The following RPGRIP1 variants were observed in gnomAD, a reference collection of about 807,000 sequenced individuals.
RPGRIP1 encodes the protein X-linked retinitis pigmentosa GTPase regulator-interacting protein 1.
RPGRIP1 carries 128 observed loss-of-function variants against 157.9 expected under a neutral mutation model. The ratio of observed to expected loss-of-function variants is 0.81; its 90% confidence interval spans 0.70 to 0.94. The LOEUF is 0.94. Among genes scored for constraint, RPGRIP1 ranks in the 40% least tolerant of loss-of-function variants. The pLI is 0.00. For synonymous variants in RPGRIP1, 554 were observed against 571.6 expected, an observed-to-expected ratio of 0.97 and a Z score of 0.44; for missense variants, 1,486 against 1,545.8, an observed-to-expected ratio of 0.96 and a Z score of 0.65.
chr14:21,290,217 A>G (rs1250664307), intron 2 of RPGRIP1, among the ~76,000 whole-genome samples: 1 of 152,078 alleles, frequency 6.6e-6, no homozygotes, highest in African/African-American at 2.4e-5. Context: ...ATACGGTAAC[A>G]CTAGTTTAAC....
At chr14:21,308,501 T>A (rs1477176839) in intron 7 of RPGRIP1, among the ~76,000 whole-genome samples, 1 of 152,056 alleles carries the variant, frequency 6.6e-6, no homozygotes, top group Admixed American at 6.6e-5. Context: ...AATTCAACTA[T>A]CCTATGCAGG....
intron 7 of RPGRIP1, among the ~76,000 whole-genome samples, chr14:21,310,041 T>A (rs1881482778): frequency 6.2e-5 from 2 of 32,316 alleles, no homozygotes; most frequent in South Asian, 2.7e-3. Flanking sequence ...GCCAAGATTG[T>A]GCCGCAGCAC....
intron 7 of RPGRIP1, among the ~76,000 whole-genome samples, chr14:21,308,397 A>G (rs866625845): frequency 2.0e-5 from 3 of 151,984 alleles, no homozygotes; most frequent in Admixed American, 6.6e-5. Flanking sequence ...ATCCAGTACC[A>G]GGAATTGCAA....
At chr14:21,339,052 C>A (rs1884704922) in intron 21 of RPGRIP1, among the ~76,000 whole-genome samples, 1 of 152,138 alleles carries the variant, frequency 6.6e-6, no homozygotes, top group African/African-American at 2.4e-5. Flanking sequence ...AGGAGAATCG[C>A]TTGAGCCCAG....
chr14:21,324,312 T>C (rs1882814359), intron 14 of RPGRIP1: 3 of 436,576 alleles, frequency 6.9e-6, no homozygotes, highest in Admixed American at 3.6e-5. Context: ...AGGGCCACGA[T>C]GTACACCAAA....
chr14:21,285,997 G>A (rs946966560), intron 1 of RPGRIP1, among the ~76,000 whole-genome samples: 2 of 151,880 alleles, frequency 1.3e-5, no homozygotes, highest in Non-Finnish European at 2.9e-5. Context: ...GTTTTTGTCT[G>A]TGTTTGTTTT....
chr14:21,298,009 A>T (rs1880868031), intron 3 of RPGRIP1, among the ~76,000 whole-genome samples: 2 of 152,034 alleles, frequency 1.3e-5, no homozygotes, highest in Admixed American at 6.6e-5. Context: ...AAACTAGTGC[A>T]AGGCTGAAGC....
At chr14:21,315,461 C>T (rs1423016168) in intron 10 of RPGRIP1, among the ~76,000 whole-genome samples, 2 of 149,344 alleles carry the variant, frequency 1.3e-5, no homozygotes, top group African/African-American at 2.5e-5. Flanking sequence ...GAGCCGAGAT[C>T]GCGCCACTGC....
At chr14:21,285,284 A>G (rs1880258184) in intron 1 of RPGRIP1, among the ~76,000 whole-genome samples, 1 of 151,904 alleles carries the variant, frequency 6.6e-6, no homozygotes, top group East Asian at 1.9e-4. Context: ...TGAGAGACCA[A>G]AGGATCAGAT....
At chr14:21,340,730 A>G (rs936390957) in intron 21 of RPGRIP1, among the ~76,000 whole-genome samples, 37 of 152,170 alleles carry the variant, frequency 2.4e-4, no homozygotes, top group African/African-American at 8.9e-4. Flanking sequence ...TACATTTTTT[A>G]TAGCAATCAC....
chr14:21,331,936 A>ATTTTT (rs397852575), intron 20 of RPGRIP1, among the ~76,000 whole-genome samples: 2 of 130,686 alleles, frequency 1.5e-5, no homozygotes. Flanking sequence ...TATATATATA[A>ATTTTT]TTTTTTTTTT....
intron 16 of RPGRIP1, 48 bp from the exon 17 acceptor site, chr14:21,325,783 C>A (rs779699352): frequency 1.4e-6 from 2 of 1,386,726 alleles, no homozygotes; most frequent in African/African-American, 1.4e-5. Context: ...TCACCTACAA[C>A]AGTCTCAAGC....
At chr14:21,305,493 T>C (rs1881261334) in intron 6 of RPGRIP1, among the ~76,000 whole-genome samples, 1 of 152,248 alleles carries the variant, frequency 6.6e-6, no homozygotes, top group African/African-American at 2.4e-5. Context: ...TTGGCAATTA[T>C]GAATAAAGCT....
chr14:21,343,255 GTGAGGAAGTC>G, intron 22 of RPGRIP1, 27 bp downstream of exon 22: 1 of 1,574,648 alleles, frequency 6.4e-7, no homozygotes, highest in Non-Finnish European at 8.7e-7. Flanking sequence ...GGTTACTGGG[GTGAGGAAGTC>G]TGATGAACAT....
At chr14:21,296,411 A>T (rs1594168837) in intron 3 of RPGRIP1, among the ~76,000 whole-genome samples, 1 of 149,042 alleles carries the variant, frequency 6.7e-6, no homozygotes, top group Non-Finnish European at 1.5e-5. Context: ...ATGGGGTTTC[A>T]CCCTGTTGGC....
At chr14:21,311,005 T>A in intron 8 of RPGRIP1, 1 of 488,430 alleles carries the variant, frequency 2.0e-6, no homozygotes, top group Non-Finnish European at 4.1e-6. Context: ...GTGAGTGGGC[T>A]GCATGTGAAG....
rs761263689 is a variant in RPGRIP1, at chr14:21,321,242, T to C, written c.1468-17T>C. ...TCATATTTATACTCCCTTTTACCAA[T>C]GCGTTTCCCTCTACAGCCAAGTGAA... On this transcript the variant is annotated splice_polypyrimidine_tract_variant and intron_variant, in intron 12 of 24. Coordinates refer to ENST00000400017, the MANE Select transcript of RPGRIP1 (RefSeq NM_020366.4). 5 of 1,606,618 alleles carry C rather than the reference T, an allele frequency of 3.1e-6. No individual in the cohort carries two copies. The East Asian group carries it at 1.1e-4, about 36-fold the overall frequency.
chr14:21,337,761 T>A (rs1884529511), intron 21 of RPGRIP1, among the ~76,000 whole-genome samples: 1 of 145,140 alleles, frequency 6.9e-6, no homozygotes, highest in Admixed American at 6.9e-5. Context: ...GCATTTTTTT[T>A]TTTTTTTTTT....
At chr14:21,289,318 A>T (rs546423827) in intron 2 of RPGRIP1, among the ~76,000 whole-genome samples, 1 of 151,434 alleles carries the variant, frequency 6.6e-6, no homozygotes, top group Admixed American at 6.6e-5. Context: ...ACAGAGCGAG[A>T]CTCCATACCA....
Sources: gnomAD v4.1 joint callset for allele counts (sites outside exome capture counted in the v4.1 genomes callset) on GRCh38, gnomAD v4.1.1 for gene constraint, MANE v1.5 for transcripts, NCBI Gene and HGNC (gene_info 2026-07-23, HGNC 2026-07-21) for gene names.